Variants in ZCWPW2 observed in about 807,000 individuals in gnomAD.
ZCWPW2 encodes the protein zinc finger CW-type PWWP domain protein 2.
A neutral mutation model predicts 46.6 loss-of-function variants in ZCWPW2; 45 were observed. That is an observed-to-expected ratio of 0.96 (90% CI 0.76 to 1.24). The LOEUF (loss-of-function observed/expected upper bound fraction) is 1.24. Ranked by LOEUF, ZCWPW2 falls within the 50% of genes most tolerant of loss-of-function variation. The pLI is 0.00. For missense variants in ZCWPW2, 429 were observed against 403.9 expected (o/e 1.06, Z -0.53); for synonymous variants, 152 against 137.1 (o/e 1.11, Z -0.76).
chr3:28,381,005 T>C lies in ZCWPW2; in HGVS notation c.-133-9493T>C, dbSNP rs1390591107. On this transcript the variant is annotated intron_variant, in intron 1 of 9. Coordinates refer to ENST00000383768, the MANE Select transcript of ZCWPW2 (RefSeq NM_001040432.4). ...TATATATATATATATATTTGGTATA[T>C]ATATATATATATATATTTGGTATAT... 9.0e-5 allele frequency among the ~76,000 whole-genome samples: 3 copies of C among 33,232 alleles called. 1 individual carries two copies. The highest frequency in any genetic ancestry group is 4.0e-4 in the African/African-American group (3 of 7,450). The allele number at this position is 33,232 out of a possible 152,430, so 21.8% of individuals were successfully genotyped here.
intron 4 of ZCWPW2, among the ~76,000 whole-genome samples, chr3:28,473,967 G>A (rs374520074): frequency 6.6e-6 from 1 of 152,060 alleles, no homozygotes; most frequent in South Asian, 2.1e-4. Flanking sequence ...TAGCACAAAA[G>A]GGTGACTATA....
At chr3:28,363,464 A>G (rs1705013998) in intron 1 of ZCWPW2, among the ~76,000 whole-genome samples, 1 of 152,098 alleles carries the variant, frequency 6.6e-6, no homozygotes, top group Non-Finnish European at 1.5e-5. Context: ...AATGTTAACC[A>G]TATCTTTTAC....
At chr3:28,352,932 C>T (rs1043252109) in intron 1 of ZCWPW2, among the ~76,000 whole-genome samples, 1 of 151,920 alleles carries the variant, frequency 6.6e-6, no homozygotes. Context: ...GCCTGTGATC[C>T]CAGCACTTTG....
In ZCWPW2 at chr3:28,460,994, CA is replaced by C. The variant is rs767426986; in HGVS notation, c.493-17819del. 4.1e-5 allele frequency: 11 copies of C among 271,062 alleles called. 1 individual carries two copies. Among genetic ancestry groups the C allele is most frequent in the South Asian group, 3.4e-4 (10 of 29,446 alleles). The allele number at this position is 271,062 out of a possible 1,614,324, so 16.8% of individuals were successfully genotyped here. On this transcript the variant is annotated intron_variant, in intron 4 of 9. Transcript: ENST00000383768. ...TTATGAGATCTATGACTTATATCCACATGTTGCTACAGACATATAAGAAATA... is the reference window on the plus strand; with the variant it reads ...TTATGAGATCTATGACTTATATCCACTGTTGCTACAGACATATAAGAAATA...
chr3:28,476,312 T>G (rs1453635689), intron 4 of ZCWPW2, among the ~76,000 whole-genome samples: 1 of 152,128 alleles, frequency 6.6e-6, no homozygotes, highest in Non-Finnish European at 1.5e-5. Flanking sequence ...TTGAGCCTAA[T>G]TTGGAAATTA....
intron 5 of ZCWPW2, among the ~76,000 whole-genome samples, chr3:28,484,684 T>G (rs1428286808): frequency 6.6e-6 from 1 of 151,530 alleles, no homozygotes; most frequent in Non-Finnish European, 1.5e-5. Flanking sequence ...CTTTCCTCCT[T>G]CCTTCCTGTC....
intron 3 of ZCWPW2, chr3:28,428,435 TC>T (rs1176989273): frequency 6.6e-6 from 1 of 152,106 alleles, no homozygotes; most frequent in Admixed American, 6.6e-5. Context: ...CAACTGAACA[TC>T]TACTTCATTC....
chr3:28,447,984 T>C (rs1698062899), intron 4 of ZCWPW2: 3 of 517,152 alleles, frequency 5.8e-6, no homozygotes, highest in Non-Finnish European at 7.2e-6. Flanking sequence ...CTAAATGTTT[T>C]CATGACAGGA....
At chr3:28,461,679 T>C (rs1698644039) in intron 4 of ZCWPW2, 1 of 152,152 alleles carries the variant, frequency 6.6e-6, no homozygotes, top group South Asian at 2.1e-4. Flanking sequence ...CTCCTATTAT[T>C]TGAAATTCTT....
At chr3:28,414,134 A>G (rs975269017) in intron 3 of ZCWPW2, among the ~76,000 whole-genome samples, 2 of 151,670 alleles carry the variant, frequency 1.3e-5, no homozygotes, top group African/African-American at 4.8e-5. Flanking sequence ...GGATTTTGAT[A>G]TTACTTATGG....
chr3:28,377,642 A>G (rs1705546233), intron 1 of ZCWPW2, among the ~76,000 whole-genome samples: 1 of 152,092 alleles, frequency 6.6e-6, no homozygotes, highest in Middle Eastern at 3.2e-3. Flanking sequence ...CATGCAGGAA[A>G]AAGTAACTAA....
At chr3:28,450,377 C>G (rs1357480831) in intron 4 of ZCWPW2, among the ~76,000 whole-genome samples, 2 of 152,094 alleles carry the variant, frequency 1.3e-5, no homozygotes, top group Non-Finnish European at 2.9e-5. Flanking sequence ...TGAGGTCATT[C>G]TTGTCATTCA....
At chr3:28,481,695 A>G (rs1016093476) in intron 5 of ZCWPW2, among the ~76,000 whole-genome samples, 4 of 152,158 alleles carry the variant, frequency 2.6e-5, no homozygotes, top group Admixed American at 1.3e-4. Flanking sequence ...TCAAGTAGCA[A>G]TGATTTTTTT....
At chr3:28,520,353 C>T (rs1700691777) in intron 8 of ZCWPW2, among the ~76,000 whole-genome samples, 1 of 152,072 alleles carries the variant, frequency 6.6e-6, no homozygotes, top group South Asian at 2.1e-4. Flanking sequence ...TTAGATTAGG[C>T]AATTAAGATG....
chr3:28,520,286 G>A (rs1344220688), intron 8 of ZCWPW2, among the ~76,000 whole-genome samples: 1 of 152,094 alleles, frequency 6.6e-6, no homozygotes, highest in Non-Finnish European at 1.5e-5. Flanking sequence ...ACAGGCGTAA[G>A]CATGTCACAG....
At chr3:28,493,053 CT>C (rs1157567699) in intron 6 of ZCWPW2, among the ~76,000 whole-genome samples, 1 of 84,744 alleles carries the variant, frequency 1.2e-5, no homozygotes, top group Non-Finnish European at 2.6e-5. Flanking sequence ...TTTGTTTTAT[CT>C]TTTTGCTTTT....
rs561381497 is a variant in ZCWPW2, at chr3:28,503,877, A to G, written c.658-10187A>G. 1.4e-3 allele frequency among the ~76,000 whole-genome samples: 209 copies of G among 152,064 alleles called. 1 individual carries two copies. The highest frequency in any genetic ancestry group is 3.4e-3 in the Middle Eastern group (1 of 294). On this transcript the variant is annotated intron_variant, in intron 6 of 9. Transcript: ENST00000383768. ...AAAATTATAATGATTTTGAGATGCT[A>G]TTTGTCTTTTTGTTTATGTAGTTAA...
chr3:28,513,890 T>C (rs1168300497), intron 6 of ZCWPW2, among the ~76,000 whole-genome samples, 174 bp from the exon 7 acceptor site: 5 of 151,882 alleles, frequency 3.3e-5, no homozygotes, highest in Non-Finnish European at 7.4e-5. Context: ...GATGAGCTGA[T>C]CCATGCAATT....
intron 3 of ZCWPW2, among the ~76,000 whole-genome samples, chr3:28,433,633 G>C (rs1474273130): frequency 6.6e-6 from 1 of 151,934 alleles, no homozygotes; most frequent in South Asian, 2.1e-4. Context: ...GCAGGCGCCT[G>C]TAATCCCAGT....
Sources: gnomAD v4.1 joint callset for allele counts (sites outside exome capture counted in the v4.1 genomes callset) on GRCh38, gnomAD v4.1.1 for gene constraint, MANE v1.5 for transcripts, NCBI Gene and HGNC (gene_info 2026-07-23, HGNC 2026-07-21) for gene names.